Variants in NREP observed in about 807,000 individuals in gnomAD.
NREP encodes the protein neuronal regeneration-related protein.
In NREP, 5 loss-of-function variants were observed where a neutral mutation model predicts 8.6. That is an observed-to-expected ratio of 0.58 (90% CI 0.30 to 1.22). NREP has a LOEUF of 1.22. Ranked by LOEUF, NREP falls within the 50% of genes most tolerant of loss-of-function variation. NREP has a pLI of 0.07. For synonymous variants in NREP, 27 were observed against 28.0 expected (o/e 0.96, Z 0.11); for missense variants, 86 against 82.5 (o/e 1.04, Z -0.17).
At chr5:111,952,734 G>C (rs76698750) in intron 2 of NREP, among the ~76,000 whole-genome samples, 1 of 152,078 alleles carries the variant, frequency 6.6e-6, no homozygotes, top group Non-Finnish European at 1.5e-5. Context: ...AGAGGGGGAA[G>C]TTGGTTGGAT....
intron 2 of NREP, among the ~76,000 whole-genome samples, chr5:111,800,377 G>A (rs1460043420): frequency 6.6e-6 from 1 of 152,250 alleles, no homozygotes; most frequent in African/African-American, 2.4e-5. Flanking sequence ...TAGAATCACT[G>A]ACAGGGCCAG....
intron 2 of NREP, among the ~76,000 whole-genome samples, chr5:111,914,823 G>C (rs1382897591): frequency 6.6e-6 from 1 of 152,068 alleles, no homozygotes; most frequent in Non-Finnish European, 1.5e-5. Flanking sequence ...GTTTGTCTTA[G>C]GTTGTTAGAA....
intron 2 of NREP, among the ~76,000 whole-genome samples, chr5:111,742,655 C>T (rs1379815551): frequency 6.6e-6 from 1 of 151,996 alleles, no homozygotes; most frequent in Non-Finnish European, 1.5e-5. Context: ...GACTTAAAAC[C>T]ATTCATTACG....
chr5:111,827,348 T>C lies in NREP; in HGVS notation c.136-91841A>G, dbSNP rs78427638. Among the ~76,000 whole-genome samples, 1,030 of 152,314 alleles carry C rather than the reference T, an allele frequency of 6.8e-3. 17 individuals carry two copies. Among genetic ancestry groups the C allele is most frequent in the African/African-American group, 0.024 (986 of 41,564 alleles). ...AACATGTTACACCAGAAGGGTTGTT[T>C]GGGGCTACTAATATTTTCTTAGTTC... is the stretch of plus-strand genomic sequence containing the variant. On this transcript the variant is annotated intron_variant, in intron 2 of 3. Transcript: ENST00000395634.
At chr5:111,807,722 A>C (rs974208086) in intron 2 of NREP, among the ~76,000 whole-genome samples, 4 of 152,226 alleles carry the variant, frequency 2.6e-5, no homozygotes, top group Admixed American at 6.5e-5. Context: ...CATTATGCAC[A>C]TTTTATACAT....
At chr5:111,879,147 T>G (rs1753984375) in intron 2 of NREP, among the ~76,000 whole-genome samples, 1 of 152,156 alleles carries the variant, frequency 6.6e-6, no homozygotes, top group South Asian at 2.1e-4. Flanking sequence ...ACCCCACCTC[T>G]TGCTCCCCCT....
intron 2 of NREP, among the ~76,000 whole-genome samples, chr5:111,862,869 G>A (rs1333950743): frequency 6.6e-6 from 1 of 151,264 alleles, no homozygotes; most frequent in East Asian, 1.9e-4. Flanking sequence ...GACAGCCAGT[G>A]TAGCTCATCT....
rs1021967501 is a variant in NREP, at chr5:111,756,022, G to C, written c.-58-192C>G. On this transcript the variant is annotated intron_variant, in intron 1 of 3. Coordinates refer to ENST00000257435, the MANE Select transcript of NREP (RefSeq NM_004772.4). ...CCTATAGGCTTAACTAAGGGACAAAGGAATCCCTGGTACTTGGCTTTGCAG... is the reference window on the plus strand; with the variant it reads ...CCTATAGGCTTAACTAAGGGACAAACGAATCCCTGGTACTTGGCTTTGCAG... The C allele has an allele frequency of 1.5e-5, 21 of 1,361,776 alleles. No homozygotes were observed. In the African/African-American group the frequency reaches 2.6e-4, roughly 17 times the overall value. The allele number at this position is 1,361,776 out of a possible 1,614,324, so 84.4% of individuals were successfully genotyped here. A position where few individuals can be genotyped will look rare whatever the true frequency, so the allele number is the denominator to read the frequency against.
chr5:111,952,838 T>C (rs1163290395), intron 2 of NREP, among the ~76,000 whole-genome samples: 1 of 152,146 alleles, frequency 6.6e-6, no homozygotes, highest in East Asian at 1.9e-4. Context: ...GGAATCTCTC[T>C]GTATTATAGC....
intron 2 of NREP, among the ~76,000 whole-genome samples, chr5:111,874,773 C>T (rs1043587783): frequency 3.1e-4 from 47 of 152,132 alleles, no homozygotes; most frequent in African/African-American, 1.1e-3. Flanking sequence ...TTCTGGCCAC[C>T]TGTCACAGGG....
intron 2 of NREP, among the ~76,000 whole-genome samples, chr5:111,793,123 G>A (rs1296742312): frequency 6.6e-6 from 1 of 152,132 alleles, no homozygotes; most frequent in Non-Finnish European, 1.5e-5. Flanking sequence ...TGAAACATGG[G>A]CATTTCCCAA....
chr5:111,793,594 G>C (rs993266558), intron 2 of NREP, among the ~76,000 whole-genome samples: 1 of 152,034 alleles, frequency 6.6e-6, no homozygotes, highest in African/African-American at 2.4e-5. Flanking sequence ...ATCTATTCTG[G>C]AACACAGTCA....
intron 2 of NREP, among the ~76,000 whole-genome samples, chr5:111,872,673 CA>C (rs1388722221): frequency 6.6e-6 from 1 of 152,074 alleles, no homozygotes; most frequent in Non-Finnish European, 1.5e-5. Context: ...CCTTAAAGGA[CA>C]AAATACTGAA....
chr5:111,877,254 T>C (rs1267098769), intron 2 of NREP, among the ~76,000 whole-genome samples: 1 of 152,208 alleles, frequency 6.6e-6, no homozygotes, highest in Non-Finnish European at 1.5e-5. Context: ...TGTTACCGCC[T>C]GGGTCTCCGG....
chr5:111,947,202 A>G (rs1213993722), intron 2 of NREP, among the ~76,000 whole-genome samples: 2 of 152,046 alleles, frequency 1.3e-5, no homozygotes, highest in East Asian at 3.9e-4. Flanking sequence ...TGTACACAGT[A>G]GCTACTTAAA....
At chr5:111,884,589 A>C (rs1261865817) in intron 2 of NREP, among the ~76,000 whole-genome samples, 5 of 146,020 alleles carry the variant, frequency 3.4e-5, no homozygotes, top group Non-Finnish European at 7.9e-5. Flanking sequence ...AATACTGGCA[A>C]ACCGAATCCA....
intron 2 of NREP, among the ~76,000 whole-genome samples, chr5:111,773,460 T>C (rs1751284262): frequency 6.6e-6 from 1 of 152,158 alleles, no homozygotes; most frequent in Non-Finnish European, 1.5e-5. Context: ...ATAGTCAAAA[T>C]CTCTTTGCTC....
At chr5:111,965,969 T>A (rs1756633331) in intron 2 of NREP, among the ~76,000 whole-genome samples, 1 of 152,186 alleles carries the variant, frequency 6.6e-6, no homozygotes. Context: ...GCCCCCAGGT[T>A]AACAGGCTGC....
chr5:111,841,806 G>A (rs1753037391), intron 2 of NREP, among the ~76,000 whole-genome samples: 1 of 152,106 alleles, frequency 6.6e-6, no homozygotes, highest in African/African-American at 2.4e-5. Flanking sequence ...GCAGAGTAGA[G>A]ATAAGAAAAT....
Sources: allele counts gnomAD v4.1 joint callset (sites outside exome capture counted in the v4.1 genomes callset), GRCh38; gene constraint gnomAD v4.1.1; transcripts MANE v1.5; gene names NCBI Gene and HGNC (gene_info 2026-07-23, HGNC 2026-07-21).